The following SLC35F3 variants were observed in gnomAD, a reference collection of about 807,000 sequenced individuals.
SLC35F3 encodes putative thiamine transporter SLC35F3.
A neutral mutation model predicts 49.9 loss-of-function variants in SLC35F3; 25 were observed. That is an observed-to-expected ratio of 0.50 (90% CI 0.37 to 0.70). The LOEUF (loss-of-function observed/expected upper bound fraction) is 0.70. Among genes scored for constraint, SLC35F3 ranks in the 30% least tolerant of loss-of-function variants. The pLI is 0.00. For missense variants in SLC35F3, 525 were observed against 639.8 expected (o/e 0.82, Z 1.94); for synonymous variants, 275 against 265.4 (o/e 1.04, Z -0.35).
At chr1:234,081,486 G>A (rs549705925) in intron 2 of SLC35F3, among the ~76,000 whole-genome samples, 6 of 152,240 alleles carry the variant, frequency 3.9e-5, no homozygotes, top group African/African-American at 1.4e-4. Context: ...GAGGGGCTAC[G>A]GGAGGCAGGG....
chr1:234,019,374 G>C (rs1663856782), intron 2 of SLC35F3, among the ~76,000 whole-genome samples: 1 of 152,038 alleles, frequency 6.6e-6, no homozygotes, highest in Non-Finnish European at 1.5e-5. Context: ...TAATGAGAGA[G>C]AGAGACAGAG....
Position 234,027,785 on chromosome 1 carries a change from G to A in SLC35F3, c.283+122027G>A, listed in dbSNP as rs1664000142. 6.6e-6 allele frequency among the ~76,000 whole-genome samples: 1 copy of A among 152,102 alleles called. No homozygotes were observed. The highest frequency in any genetic ancestry group is 1.5e-5 in the Non-Finnish European group (1 of 68,016). On this transcript the variant is annotated intron_variant, in intron 2 of 7. Coordinates refer to ENST00000366618, the MANE Select transcript of SLC35F3 (RefSeq NM_173508.4). This position sits in a 1 kb window ranked among gnomAD's most constrained non-coding sequence, Gnocchi z 4.1. ...GGGAGCCTGCGCCAGTTTAGCACTG[G>A]GTATTTAGCAGGGAACACAATGAAC...
rs1667088274 is a variant in SLC35F3 at position 234,214,361 on chromosome 1, G to C, written c.284-17056G>C. The stretch of plus-strand genomic sequence containing the variant: ...AGCCCGGCGGGCAGCCGGGGAGGCC[G>C]GGACTGAGAGGGGCGAGCCGCTGGT... On this transcript the variant is annotated intron_variant, in intron 2 of 7. Transcript: ENST00000366618. This position sits in a 1 kb window ranked among gnomAD's most constrained non-coding sequence, Gnocchi z 8.0. 2 of 1,336,168 alleles carry C rather than the reference G, an allele frequency of 1.5e-6. No homozygotes were observed. Among genetic ancestry groups the C allele is most frequent in the South Asian group, 2.0e-5 (1 of 49,806 alleles). The allele number at this position is 1,336,168 out of a possible 1,614,324, so 82.8% of individuals were successfully genotyped here.
chr1:233,973,742 A>G (rs772567764), intron 2 of SLC35F3, among the ~76,000 whole-genome samples: 3 of 152,248 alleles, frequency 2.0e-5, no homozygotes, highest in Non-Finnish European at 4.4e-5. Flanking sequence ...ACGTGGTCAC[A>G]TGGCAGAGAT....
intron 2 of SLC35F3, among the ~76,000 whole-genome samples, chr1:234,107,715 T>A (rs1270520005): frequency 6.6e-6 from 1 of 152,210 alleles, no homozygotes; most frequent in Non-Finnish European, 1.5e-5. Flanking sequence ...CTCTGAGCCT[T>A]GGTTTCCTCA....
chr1:234,318,589 T>C (rs1018400806), intron 5 of SLC35F3, among the ~76,000 whole-genome samples, 162 bp from the exon 6 acceptor site: 1 of 152,216 alleles, frequency 6.6e-6, no homozygotes, highest in Non-Finnish European at 1.5e-5. Context: ...GATTTGAATA[T>C]GTGAGCAAAT....
rs112150679 is a variant in SLC35F3, at chr1:234,188,237, C to CAAAA, written c.284-43168_284-43165dup. Among the ~76,000 whole-genome samples, 321 of 119,316 alleles carry CAAAA rather than the reference C, an allele frequency of 2.7e-3. 1 individual carries two copies. Among genetic ancestry groups the CAAAA allele is most frequent in the Middle Eastern group, 0.018 (4 of 220 alleles). The allele number at this position is 119,316 out of a possible 152,430, so 78.3% of individuals were successfully genotyped here. A position where few individuals can be genotyped will look rare whatever the true frequency, so the allele number is the denominator to read the frequency against. On this transcript the variant is annotated intron_variant, in intron 2 of 7. Transcript: ENST00000366618. The stretch of plus-strand genomic sequence containing the variant: ...GGGCAACAAGAGCGAAACTCCGCCT[C>CAAAA]AAAAAAAAAAAAAAAGTCCTGCTTG...
At chr1:234,253,468 AG>A (rs869248307) in intron 3 of SLC35F3, among the ~76,000 whole-genome samples, 3 of 151,256 alleles carry the variant, frequency 2.0e-5, no homozygotes, top group African/African-American at 7.3e-5. Context: ...AAAAAAAAAA[AG>A]GAGAATAGAT....
rs990373642 is a variant in SLC35F3 at position 233,912,283 on chromosome 1, G to C, written c.283+6525G>C. ...TCACGAGGTCAGGAGTTCAATACCA[G>C]CCTGGCCAAGATGGTGAAACCCCGT... On this transcript the variant is annotated intron_variant, in intron 2 of 7. Transcript: ENST00000366618. Among the ~76,000 whole-genome samples the C allele has an allele frequency of 9.9e-5, 15 of 152,212 alleles. No individual in the cohort carries two copies. In the South Asian group the frequency reaches 2.5e-3, roughly 25 times the overall value.
chr1:234,002,665 G>A (rs1663571548), intron 2 of SLC35F3, among the ~76,000 whole-genome samples: 1 of 152,088 alleles, frequency 6.6e-6, no homozygotes, highest in Non-Finnish European at 1.5e-5. Context: ...CCACTATAAA[G>A]TTACTCTTTG....
chr1:234,214,831 C>A lies in SLC35F3; in HGVS notation c.284-16586C>A. 2.3e-6 allele frequency: 1 copy of A among 429,782 alleles called. No individual in the cohort carries two copies. Among genetic ancestry groups the A allele is most frequent in the Non-Finnish European group, 4.1e-6 (1 of 244,954 alleles). The allele number at this position is 429,782 out of a possible 1,614,324, so 26.6% of individuals were successfully genotyped here. A position where few individuals can be genotyped will look rare whatever the true frequency, so the allele number is the denominator to read the frequency against. Reference sequence around the variant, plus strand: ...GCTCCCCAACCCTCTCCTTCCTGGGCAGCACCCAGCGCATCTGGCAGCAGC... The same window carrying A: ...GCTCCCCAACCCTCTCCTTCCTGGGAAGCACCCAGCGCATCTGGCAGCAGC... On this transcript the variant is annotated intron_variant, in intron 2 of 7. Transcript: ENST00000366618. The surrounding 1 kb of genome is among the most constrained non-coding windows in gnomAD (Gnocchi z 8.0).
intron 3 of SLC35F3, among the ~76,000 whole-genome samples, chr1:234,267,123 A>G (rs1025281871): frequency 5.0e-5 from 7 of 141,090 alleles, no homozygotes; most frequent in Non-Finnish European, 3.0e-5. Flanking sequence ...AACAAAGCAC[A>G]TCTTGCACCG....
chr1:233,936,515 T>G (rs2102796438), intron 2 of SLC35F3, among the ~76,000 whole-genome samples: 1 of 117,614 alleles, frequency 8.5e-6, no homozygotes, highest in Middle Eastern at 4.5e-3. Flanking sequence ...CACCTTCTTG[T>G]TCTCCTCCTC....
intron 2 of SLC35F3, among the ~76,000 whole-genome samples, chr1:234,153,208 C>T (rs988992850): frequency 1.3e-5 from 2 of 152,174 alleles, no homozygotes; most frequent in African/African-American, 4.8e-5. Flanking sequence ...CAGACAATCA[C>T]ATGACTAGAG....
chr1:234,293,306 G>T (rs922912101), intron 3 of SLC35F3, among the ~76,000 whole-genome samples: 3 of 152,226 alleles, frequency 2.0e-5, no homozygotes, highest in African/African-American at 7.2e-5. Context: ...CCTGAGGATG[G>T]CAGCTTCCGG....
At chr1:234,156,905 A>T (rs1006857406) in intron 2 of SLC35F3, among the ~76,000 whole-genome samples, 1 of 152,184 alleles carries the variant, frequency 6.6e-6, no homozygotes, top group Non-Finnish European at 1.5e-5. Context: ...AGGTGTCCAG[A>T]TTAGGTAAGC....
At chr1:233,970,218 G>C (rs954205946) in intron 2 of SLC35F3, among the ~76,000 whole-genome samples, 2 of 152,164 alleles carry the variant, frequency 1.3e-5, no homozygotes, top group Non-Finnish European at 2.9e-5. Flanking sequence ...ATGGGCATCA[G>C]AGTTAGCACC....
intron 2 of SLC35F3, among the ~76,000 whole-genome samples, chr1:234,192,474 C>A (rs535578055): frequency 6.6e-6 from 1 of 152,288 alleles, no homozygotes; most frequent in South Asian, 2.1e-4. Context: ...CTGTCTATGA[C>A]AAATCCACAG....
intron 2 of SLC35F3, among the ~76,000 whole-genome samples, chr1:234,041,026 T>C (rs936410): frequency 0.019 from 2,874 of 152,274 alleles, 97 homozygotes; most frequent in African/African-American, 0.066. Context: ...GAAACACATG[T>C]GCTATCTCTG....
Sources: gnomAD v4.1 joint callset for allele counts (sites outside exome capture counted in the v4.1 genomes callset) on GRCh38, gnomAD v4.1.1 for gene constraint, Gnocchi (gnomAD v3.1) non-coding constraint, MANE v1.5 for transcripts, NCBI Gene and HGNC (gene_info 2026-07-23, HGNC 2026-07-21) for gene names.